Variants in SRP68 observed in about 807,000 individuals in gnomAD.
SRP68 encodes signal recognition particle subunit SRP68.
A neutral mutation model predicts 82.2 loss-of-function variants in SRP68; 15 were observed. That is an observed-to-expected ratio of 0.18 (90% CI 0.12 to 0.28). The LOEUF (loss-of-function observed/expected upper bound fraction) is 0.28, where lower values mean the gene tolerates loss of function less well. Among genes scored for constraint, SRP68 ranks in the 10% least tolerant of loss-of-function variants. SRP68 has a pLI of 1.00. For synonymous variants in SRP68, 261 were observed against 292.6 expected, an observed-to-expected ratio of 0.89 and a Z score of 1.10; for missense variants, 595 against 780.5, an observed-to-expected ratio of 0.76 and a Z score of 2.83.
At chr17:76,047,493 A>T (rs2066640383) in intron 10 of SRP68, among the ~76,000 whole-genome samples, 1 of 152,246 alleles carries the variant, frequency 6.6e-6, no homozygotes. Flanking sequence ...TTAAGAAATT[A>T]TAAATGTAAG....
In SRP68 at chr17:76,066,382, G is replaced by A. The variant is rs578261559; in HGVS notation, c.365+835C>T. Among the ~76,000 whole-genome samples the A allele has an allele frequency of 2.5e-3, 372 of 151,520 alleles. 3 individuals are homozygous for A. Among genetic ancestry groups the A allele is most frequent in the Middle Eastern group, 0.024 (7 of 292 alleles). On this transcript the variant is annotated intron_variant, in intron 3 of 15. Transcript: ENST00000307877. The stretch of plus-strand genomic sequence containing the variant: ...CAGGAGAAGCTTGAACCCGGGAGGT[G>A]GAAGTTGCAGTGAGGTGAGACGACA...
intron 11 of SRP68, 132 bp from the exon 12 acceptor site, chr17:76,045,518 T>C (rs1598258871): frequency 3.1e-6 from 2 of 644,350 alleles, no homozygotes; most frequent in East Asian, 2.7e-5. Flanking sequence ...GGGAAAAGCC[T>C]GTGAAGAGAT....
At position 76,072,164 on chromosome 17, in the gene SRP68, T is replaced by C; in HGVS notation, c.184+144A>G. ...GAGAGACAGACCCCCCCCGGAATTC[T>C]GAGCACCAAAAGGTAAGGGCGAGAG... On this transcript the variant is annotated intron_variant, in intron 1 of 15. Coordinates refer to ENST00000307877, the MANE Select transcript of SRP68 (RefSeq NM_014230.4). The surrounding 1 kb of genome is among the most constrained non-coding windows in gnomAD (Gnocchi z 4.5). The C allele has an allele frequency of 2.8e-6, 4 of 1,435,652 alleles. No individual in the cohort carries two copies. The highest frequency in any genetic ancestry group is 1.3e-5 in the South Asian group (1 of 79,932). 88.9% of individuals were successfully genotyped at this position (1,435,652 alleles called of 1,614,324 possible).
chr17:76,070,062 G>A (rs1181863334), intron 2 of SRP68, among the ~76,000 whole-genome samples: 2 of 151,702 alleles, frequency 1.3e-5, no homozygotes, highest in Admixed American at 1.3e-4. Context: ...GGGTGACAGA[G>A]TGAGACTCCA....
chr17:76,053,732 T>G, intron 8 of SRP68: 1 of 800,544 alleles, frequency 1.2e-6, no homozygotes, highest in Non-Finnish European at 1.5e-6. Context: ...ACCACTAATC[T>G]CTGAAGGAGA....
rs1319603314 is a variant in SRP68 at position 76,072,052 on chromosome 17, C to T, written c.184+256G>A. 4 of 630,430 alleles carry T rather than the reference C, an allele frequency of 6.3e-6. No homozygotes were observed. The South Asian group carries it at 8.2e-5, about 13-fold the overall frequency. 39.1% of individuals were successfully genotyped at this position (630,430 alleles called of 1,614,324 possible). A position where few individuals can be genotyped will look rare whatever the true frequency, so the allele number is the denominator to read the frequency against. ...CCTCCAACTGGACAACTGCGGGGCA[C>T]CAGGGGAAACCTGCCTGATATCCCA... is the stretch of plus-strand genomic sequence containing the variant. On this transcript the variant is annotated intron_variant, in intron 1 of 15. Coordinates refer to ENST00000307877, the MANE Select transcript of SRP68 (RefSeq NM_014230.4). This position sits in a 1 kb window ranked among gnomAD's most constrained non-coding sequence, Gnocchi z 4.5.
Position 76,060,323 on chromosome 17 carries a change from C to G in SRP68, c.822G>C (p.Leu274Phe), listed in dbSNP as rs138822586. The change falls in exon 7 of 16, where the codon TTG becomes TTC. Residue 274 changes from leucine to phenylalanine, a missense_variant. Leu to Phe is a conservative substitution (Grantham distance 22). Transcript: ENST00000307877. The stretch of plus-strand genomic sequence containing the variant: ...ACTAGATTACCTCCAATTTTTCAGC[C>G]AAGAGACCCTCAGTGCCCCCAGACC... The part of the protein sequence containing the change: ...RLRSGGTEGL[L>F]AEKLEALITQ... The G allele has an allele frequency of 6.2e-7, 1 of 1,609,946 alleles. No individual in the cohort carries two copies.
rs368075300 is a variant in SRP68, at chr17:76,039,800, T to C, written c.1790A>G (p.His597Arg). Residue 597 changes from histidine (H) to arginine (R), a missense_variant, in exon 16 of 16, where the codon CAT becomes CGT. Physicochemically the swap from His to Arg is conservative, Grantham distance 29 (BLOSUM62 0). Coordinates refer to ENST00000307877, the MANE Select transcript of SRP68 (RefSeq NM_014230.4). ...KPLFFDLALN[H>R]VAFPPLEDKL... is the part of the protein sequence containing the mutation. Reference sequence around the variant, plus strand: ...GTCCTCAAGGGGTGGGAAAGCCACATGGTTGAGGGCCAGGTCAAAGAACAA... The same window carrying C: ...GTCCTCAAGGGGTGGGAAAGCCACACGGTTGAGGGCCAGGTCAAAGAACAA... The C allele has an allele frequency of 4.3e-6, 7 of 1,614,180 alleles. No individual in the cohort carries two copies. The highest frequency in any genetic ancestry group is 5.1e-6 in the Non-Finnish European group (6 of 1,180,034).
intron 3 of SRP68, among the ~76,000 whole-genome samples, chr17:76,064,714 G>A (rs1260120233): frequency 6.6e-5 from 10 of 151,878 alleles, no homozygotes; most frequent in Non-Finnish European, 1.5e-4. Context: ...GTTGGTATGC[G>A]CCTGTAATCC....
chr17:76,045,466 G>C, intron 11 of SRP68, 80 bp from the exon 12 acceptor site: 7 of 1,078,074 alleles, frequency 6.5e-6, no homozygotes, highest in Non-Finnish European at 9.3e-6. Context: ...TGTAAGAACG[G>C]ACAAGAGTGA....
Position 76,039,507 on chromosome 17 carries a change from C to A in SRP68, c.*199G>T. ...ACAGGATGACCCTGCACACATTTAC[C>A]AGAAGACAACAGGGTGCTCTCCTGA... On this transcript the variant is annotated 3_prime_UTR_variant, in exon 16 of 16. Transcript: ENST00000307877. 1.5e-6 allele frequency: 1 copy of A among 650,264 alleles called. No individual in the cohort carries two copies. Among genetic ancestry groups the A allele is most frequent in the Non-Finnish European group, 2.7e-6 (1 of 363,854 alleles). 40.3% of individuals were successfully genotyped at this position (650,264 alleles called of 1,614,324 possible).
chr17:76,045,797 G>A (rs1418006300), intron 11 of SRP68, among the ~76,000 whole-genome samples: 4 of 152,206 alleles, frequency 2.6e-5, no homozygotes, highest in African/African-American at 9.6e-5. Context: ...TGGCACCTGG[G>A]AGCGTCTTAC....
At chr17:76,047,535 G>A (rs2066640637) in intron 10 of SRP68, among the ~76,000 whole-genome samples, 1 of 152,074 alleles carries the variant, frequency 6.6e-6, no homozygotes, top group South Asian at 2.1e-4. Context: ...TATAATCCCC[G>A]CACTGTGGGA....
rs1229539106 is a variant in SRP68 at position 76,071,102 on chromosome 17, C to G, written c.185-658G>C. Among the ~76,000 whole-genome samples the G allele has an allele frequency of 2.0e-5, 3 of 152,116 alleles. No homozygotes were observed. Among genetic ancestry groups the G allele is most frequent in the Non-Finnish European group, 4.4e-5 (3 of 68,016 alleles). On this transcript the variant is annotated intron_variant, in intron 1 of 15. Coordinates refer to ENST00000307877, the MANE Select transcript of SRP68 (RefSeq NM_014230.4). The surrounding 1 kb of genome is among the most constrained non-coding windows in gnomAD (Gnocchi z 4.7). ...CTGACTATAATTGGGGTGCTTCACA[C>G]CAATTAACACCTAGACCCCACATTT...
chr17:76,064,472 G>T (rs2066791808), intron 3 of SRP68, among the ~76,000 whole-genome samples: 2 of 152,088 alleles, frequency 1.3e-5, no homozygotes, highest in South Asian at 2.1e-4. Context: ...AACAGACACG[G>T]TCTAGGCACA....
chr17:76,055,804 C>CTT (rs1340051062), intron 8 of SRP68, among the ~76,000 whole-genome samples: 2 of 123,300 alleles, frequency 1.6e-5, no homozygotes, highest in African/African-American at 3.3e-5. Context: ...ACTTTTTTTT[C>CTT]TTCTTTTTTT....
chr17:76,044,342 C>G (rs1006871647), intron 12 of SRP68, among the ~76,000 whole-genome samples: 2 of 152,218 alleles, frequency 1.3e-5, no homozygotes, highest in Non-Finnish European at 2.9e-5. Context: ...CTGCTCATCG[C>G]TTTCCAAAAA....
At chr17:76,049,865 C>G (rs1181108762) in intron 9 of SRP68, among the ~76,000 whole-genome samples, 1 of 152,060 alleles carries the variant, frequency 6.6e-6, no homozygotes, top group African/African-American at 2.4e-5. Context: ...TAAAATTAGA[C>G]AGGGAAACTA....
chr17:76,049,904 C>A (rs1461223430), intron 9 of SRP68, among the ~76,000 whole-genome samples: 2 of 151,894 alleles, frequency 1.3e-5, no homozygotes, highest in South Asian at 2.1e-4. Flanking sequence ...TTGTACTTTG[C>A]GAAAGAAAGG....
Sources: allele counts gnomAD v4.1 joint callset (sites outside exome capture counted in the v4.1 genomes callset), GRCh38; gene constraint gnomAD v4.1.1; non-coding constraint Gnocchi (gnomAD v3.1); transcripts MANE v1.5; gene names NCBI Gene and HGNC (gene_info 2026-07-23, HGNC 2026-07-21).